Variants in NAV3 observed in about 807,000 individuals in gnomAD.
The protein encoded by NAV3 is pore membrane and/or filament interacting like protein 1.
A neutral mutation model predicts 244.7 loss-of-function variants in NAV3; 87 were observed. The observed-to-expected ratio is 0.36, with a 90% CI of 0.30 to 0.42. The LOEUF is 0.42. NAV3 is among the 20% of genes least tolerant of loss of function. NAV3 has a pLI of 1.00. For missense variants in NAV3, 2,663 were observed against 2,893.3 expected, an observed-to-expected ratio of 0.92 and a Z score of 1.83; for synonymous variants, 1,126 against 1,042.2, an observed-to-expected ratio of 1.08 and a Z score of -1.55.
chr12:77,966,737 G>T (rs1256713592), intron 4 of NAV3, among the ~76,000 whole-genome samples: 3 of 151,920 alleles, frequency 2.0e-5, no homozygotes, highest in African/African-American at 4.8e-5. Context: ...AAAATAGTTG[G>T]TAAGTTTAAG....
chr12:78,075,475 A>T (rs560530449), intron 12 of NAV3, among the ~76,000 whole-genome samples: 1 of 152,306 alleles, frequency 6.6e-6, no homozygotes, highest in Admixed American at 6.5e-5. Context: ...ATGAATTTGG[A>T]TGTGGCTGAA....
chr12:77,688,975 C>G (rs545950680), intron 2 of NAV3, among the ~76,000 whole-genome samples: 1 of 151,936 alleles, frequency 6.6e-6, no homozygotes, highest in African/African-American at 2.4e-5. Context: ...TTCTCTGAAA[C>G]AAATCAGCTG....
At chr12:77,901,749 T>G (rs1885322675) in intron 1 of NAV3, among the ~76,000 whole-genome samples, 1 of 152,022 alleles carries the variant, frequency 6.6e-6, no homozygotes, top group African/African-American at 2.4e-5. Context: ...CCAGTTTCAT[T>G]CTTCTTCGTA....
At chr12:77,827,857 A>G (rs1424864899), upstream of NAV3, among the ~76,000 whole-genome samples, 1 of 152,234 alleles carries the variant, frequency 6.6e-6, no homozygotes, top group Non-Finnish European at 1.5e-5. Context: ...CCAAATTCAT[A>G]TAACTAGGAA....
At chr12:77,802,966 C>T (rs897090637) in intron 2 of NAV3, among the ~76,000 whole-genome samples, 3 of 152,166 alleles carry the variant, frequency 2.0e-5, no homozygotes, top group Non-Finnish European at 4.4e-5. Context: ...CACACCTGGC[C>T]TTGCACCTAG....
At chr12:78,105,387 G>T (rs560352718) in intron 12 of NAV3, among the ~76,000 whole-genome samples, 2 of 152,062 alleles carry the variant, frequency 1.3e-5, no homozygotes, top group South Asian at 4.2e-4. Context: ...ATCATATTAG[G>T]TTCCTGTGAG....
At chr12:77,871,555 G>A (rs560777693) in intron 1 of NAV3, among the ~76,000 whole-genome samples, 1 of 152,272 alleles carries the variant, frequency 6.6e-6, no homozygotes, top group South Asian at 2.1e-4. Flanking sequence ...TTCTGTTCCT[G>A]TGTTAGTTTG....
At chr12:78,197,820 C>T (rs1254725660) in intron 35 of NAV3, among the ~76,000 whole-genome samples, 3 of 151,874 alleles carry the variant, frequency 2.0e-5, no homozygotes, top group African/African-American at 4.8e-5. Context: ...TGAACATTTG[C>T]GAAACCAACA....
intron 3 of NAV3, among the ~76,000 whole-genome samples, chr12:77,946,011 G>A (rs754802646): frequency 2.0e-5 from 3 of 150,046 alleles, no homozygotes; most frequent in African/African-American, 4.9e-5. Context: ...CACCCATCTC[G>A]GCCTCCCAAA....
At chr12:77,990,413 G>A (rs58590722) in intron 5 of NAV3, among the ~76,000 whole-genome samples, 43,583 of 150,898 alleles carry the variant, frequency 0.29, 6,387 homozygotes, top group African/African-American at 0.35. Flanking sequence ...GAAGGACCTG[G>A]CATCTCATTG....
chr12:77,645,742 C>T (rs1268896543), intron 2 of NAV3, among the ~76,000 whole-genome samples: 1 of 151,780 alleles, frequency 6.6e-6, no homozygotes, highest in Non-Finnish European at 1.5e-5. Flanking sequence ...TCTCATTTAC[C>T]TAGGTTATTT....
At chr12:78,081,205 A>T (rs969072514) in intron 12 of NAV3, among the ~76,000 whole-genome samples, 35 of 152,198 alleles carry the variant, frequency 2.3e-4, no homozygotes, top group African/African-American at 7.7e-4. Context: ...ATAATACGTT[A>T]AGAGAGAGAG....
intron 5 of NAV3, among the ~76,000 whole-genome samples, chr12:77,974,032 AAGAG>A (rs1893241253): frequency 6.6e-6 from 1 of 151,996 alleles, no homozygotes; most frequent in Non-Finnish European, 1.5e-5. Flanking sequence ...ATGTAATATT[AAGAG>A]AAAGTTTGTG....
chr12:78,145,134 A>T (rs954798314), intron 20 of NAV3: 1 of 239,804 alleles, frequency 4.2e-6, no homozygotes, highest in Admixed American at 5.6e-5. Context: ...AGGATCTAAA[A>T]AATAAAATCT....
At chr12:77,664,549 T>A (rs1433529562) in intron 2 of NAV3, among the ~76,000 whole-genome samples, 1 of 152,182 alleles carries the variant, frequency 6.6e-6, no homozygotes, top group Non-Finnish European at 1.5e-5. Context: ...GGAAAATATA[T>A]TATTTTAATA....
chr12:77,943,555 T>C (rs1161103226), intron 3 of NAV3, among the ~76,000 whole-genome samples: 1 of 152,222 alleles, frequency 6.6e-6, no homozygotes, highest in African/African-American at 2.4e-5. Flanking sequence ...GCACTATTAG[T>C]GAATAAAAAT....
chr12:77,589,183 C>G (rs181662186), intron 2 of NAV3, among the ~76,000 whole-genome samples: 20 of 152,250 alleles, frequency 1.3e-4, no homozygotes, highest in African/African-American at 4.8e-4. Flanking sequence ...AGGAAAAACA[C>G]TTTGGGAAGA....
At chr12:77,591,726 A>G (rs1869913900) in intron 2 of NAV3, among the ~76,000 whole-genome samples, 1 of 152,206 alleles carries the variant, frequency 6.6e-6, no homozygotes, top group African/African-American at 2.4e-5. Flanking sequence ...AAATATAAAG[A>G]TGTATGCCCA....
intron 2 of NAV3, among the ~76,000 whole-genome samples, chr12:77,677,301 A>G (rs1874248357): frequency 6.6e-6 from 1 of 152,248 alleles, no homozygotes; most frequent in Admixed American, 6.5e-5. Context: ...ATCCATTACA[A>G]AAACTTATTC....
Sources: gnomAD v4.1 joint callset for allele counts (sites outside exome capture counted in the v4.1 genomes callset) on GRCh38, gnomAD v4.1.1 for gene constraint, MANE v1.5 for transcripts, NCBI Gene and HGNC (gene_info 2026-07-23, HGNC 2026-07-21) for gene names.